ALK: variants seen among roughly 807,000 people sequenced by gnomAD.
The protein encoded by ALK is ALK receptor tyrosine kinase.
A neutral mutation model predicts 163.1 loss-of-function variants in ALK; 74 were observed. That is an observed-to-expected ratio of 0.45 (90% confidence interval 0.38 to 0.55). The LOEUF (loss-of-function observed/expected upper bound fraction) is 0.55. Ranked by LOEUF, ALK falls within the 20% of genes least tolerant of loss-of-function variation. The pLI, the probability that ALK is intolerant of heterozygous loss-of-function variation, is 0.00. For synonymous variants in ALK, 960 were observed against 843.2 expected, an observed-to-expected ratio of 1.14 and a Z score of -2.40; for missense variants, 2,063 against 2,105.3, an observed-to-expected ratio of 0.98 and a Z score of 0.39.
chr2:29,395,171 A>G (rs753478580), intron 4 of ALK, among the ~76,000 whole-genome samples: 15 of 152,228 alleles, frequency 9.9e-5, no homozygotes, highest in Non-Finnish European at 1.9e-4. Flanking sequence ...TGATTGGTTC[A>G]AATGCGAATG....
intron 4 of ALK, among the ~76,000 whole-genome samples, chr2:29,459,070 T>A (rs781757794): frequency 3.3e-5 from 5 of 152,148 alleles, no homozygotes; most frequent in Non-Finnish European, 5.9e-5. Flanking sequence ...GAATTTATAT[T>A]TTAAATTAAC....
rs116178834 is a variant in ALK, at chr2:29,636,218, A to G, written c.952+58632T>C. ...TGAGAACACAGAAACAGACACATAC[A>G]AATATGCCCATATTCTTGATAAAGG... On this transcript the variant is annotated intron_variant, in intron 3 of 28. Coordinates refer to ENST00000389048, the MANE Select transcript of ALK (RefSeq NM_004304.5). 4.0e-3 allele frequency among the ~76,000 whole-genome samples: 604 copies of G among 152,304 alleles called. 2 individuals are homozygous for G. The highest frequency in any genetic ancestry group is 0.013 in the African/African-American group (543 of 41,568).
In ALK at chr2:29,193,837, T is replaced by TC; in HGVS notation, c.4249dup (p.Asp1417GlyfsTer3). The stretch of plus-strand genomic sequence containing the variant: ...CAGGAGAGGAGGAACCCCCTCAGGG[T>TC]CCTTGGGCCTCACAGGCACTTTCTC... On this transcript the variant is annotated frameshift_variant, in exon 29 of 29. Transcript: ENST00000389048. LOFTEE classifies it low-confidence loss of function (END_TRUNC). 1 of 1,612,122 alleles carries TC rather than the reference T, an allele frequency of 6.2e-7. No homozygotes were observed. The highest frequency in any genetic ancestry group is 8.5e-7 in the Non-Finnish European group (1 of 1,179,196).
chr2:29,287,497 A>T (rs1422570632), intron 9 of ALK, among the ~76,000 whole-genome samples: 10 of 152,188 alleles, frequency 6.6e-5, no homozygotes, highest in African/African-American at 2.2e-4. Context: ...CAGAAGCCAC[A>T]GTATGATATT....
At chr2:29,330,486 G>C (rs926579466) in intron 5 of ALK, among the ~76,000 whole-genome samples, 3 of 152,166 alleles carry the variant, frequency 2.0e-5, no homozygotes, top group African/African-American at 7.2e-5. Flanking sequence ...GTGTGAGCTT[G>C]GCGTTCACCC....
intron 4 of ALK, among the ~76,000 whole-genome samples, chr2:29,512,835 G>A (rs909318780): frequency 6.6e-6 from 1 of 150,864 alleles, no homozygotes; most frequent in Non-Finnish European, 1.5e-5. Context: ...AAAATCACAA[G>A]CATTCTTACA....
rs1268713856 is a variant in ALK at position 29,638,275 on chromosome 2, C to T, written c.952+56575G>A. On this transcript the variant is annotated intron_variant, in intron 3 of 28. Transcript: ENST00000389048. ...ACACCAAGTTATTGTGAAGTCTGTGCCTAGGGGCACAGAACATGACTGTAC... is the reference window on the plus strand; with the variant it reads ...ACACCAAGTTATTGTGAAGTCTGTGTCTAGGGGCACAGAACATGACTGTAC... Among the ~76,000 whole-genome samples the T allele has an allele frequency of 2.0e-5, 3 of 152,308 alleles. No individual in the cohort carries two copies. The East Asian group carries it at 5.8e-4, about 29-fold the overall frequency.
chr2:29,762,668 C>A (rs761104397), intron 1 of ALK, among the ~76,000 whole-genome samples: 1 of 152,118 alleles, frequency 6.6e-6, no homozygotes, highest in Non-Finnish European at 1.5e-5. Context: ...AACTACAGAA[C>A]AGAAGAGGAA....
chr2:29,920,281 G>T lies in ALK; in HGVS notation c.379C>A (p.Leu127Met). The change falls in exon 1 of 29, where the codon CTG becomes ATG. Residue 127 changes from leucine to methionine, a missense_variant. Coordinates refer to ENST00000389048, the MANE Select transcript of ALK (RefSeq NM_004304.5). Reference protein sequence around the residue: ...PAEARTLSRVLKGGSVRKLRR... With the variant: ...PAEARTLSRVMKGGSVRKLRR... ...AGCTTGCGCACGGAGCCGCCCTTCA[G>T]CACCCTGGACAGCGTCCGGGCCTCT... is the stretch of plus-strand genomic sequence containing the variant. The T allele has an allele frequency of 6.3e-7, 1 of 1,586,106 alleles. No individual in the cohort carries two copies. The highest frequency in any genetic ancestry group is 8.6e-7 in the Non-Finnish European group (1 of 1,167,238).
At chr2:29,722,378 T>A (rs1679446635) in intron 1 of ALK, among the ~76,000 whole-genome samples, 1 of 152,192 alleles carries the variant, frequency 6.6e-6, no homozygotes, top group African/African-American at 2.4e-5. Context: ...CACACAAACC[T>A]ATGCATTCAT....
chr2:29,608,977 G>A (rs765784616), intron 3 of ALK, among the ~76,000 whole-genome samples: 6 of 152,152 alleles, frequency 3.9e-5, no homozygotes, highest in Non-Finnish European at 7.3e-5. Context: ...CAGGCTGGGT[G>A]CAGTGGCATG....
chr2:29,206,531 C>T (rs1310030789), intron 26 of ALK, among the ~76,000 whole-genome samples: 1 of 152,108 alleles, frequency 6.6e-6, no homozygotes, highest in African/African-American at 2.4e-5. Context: ...TTCAGCCTCC[C>T]AAAGTATTGG....
rs2148178515 is a variant in ALK, at chr2:29,227,001, G to A, written c.2988C>T (p.His996=). 6.2e-7 allele frequency: 1 copy of A among 1,614,190 alleles called. No individual in the cohort carries two copies. Among genetic ancestry groups the A allele is most frequent in the Non-Finnish European group, 8.5e-7 (1 of 1,180,048 alleles). ...TGACCTTGTGGCTTTCAGGGTCCAT[G>A]TGACATTCGTCTACCTCACAGTGAC... ...NCSHCEVDEC[H]MDPESHKVIC... is the part of the protein sequence containing the mutation. Residue 996 remains histidine, a synonymous_variant, in exon 18 of 29, where the codon CAC becomes CAT. Coordinates refer to ENST00000389048, the MANE Select transcript of ALK (RefSeq NM_004304.5). This position sits in a 1 kb window ranked among gnomAD's most constrained non-coding sequence, Gnocchi z 4.4.
At chr2:29,325,754 T>C (rs1667237335) in intron 6 of ALK, among the ~76,000 whole-genome samples, 1 of 152,212 alleles carries the variant, frequency 6.6e-6, no homozygotes, top group Non-Finnish European at 1.5e-5. Flanking sequence ...CTTCCTTGTC[T>C]CTAACAAAGA....
chr2:29,763,782 T>A (rs1680781663), intron 1 of ALK, among the ~76,000 whole-genome samples: 2 of 151,964 alleles, frequency 1.3e-5, no homozygotes, highest in Admixed American at 1.3e-4. Context: ...TTAACTCATG[T>A]CCCCTAACCC....
intron 5 of ALK, among the ~76,000 whole-genome samples, chr2:29,341,216 C>T (rs1311879076): frequency 2.0e-5 from 3 of 152,196 alleles, no homozygotes; most frequent in African/African-American, 4.8e-5. Flanking sequence ...CATTTGTTCA[C>T]ATAAAAAGCA....
chr2:29,496,467 T>C (rs1004754928), intron 4 of ALK, among the ~76,000 whole-genome samples: 2 of 152,182 alleles, frequency 1.3e-5, no homozygotes, highest in Non-Finnish European at 2.9e-5. Flanking sequence ...ATCACTGCTA[T>C]AGATCTTTAT....
intron 23 of ALK, among the ~76,000 whole-genome samples, chr2:29,214,609 A>T (rs913635230): frequency 1.3e-5 from 2 of 152,224 alleles, no homozygotes; most frequent in Admixed American, 6.5e-5. Flanking sequence ...CTTTTGGGAA[A>T]TGCTGGGCAA....
rs6759002 is a variant in ALK, at chr2:29,401,032, G to T, written c.1155-17173C>A. On this transcript the variant is annotated intron_variant, in intron 4 of 28. Coordinates refer to ENST00000389048, the MANE Select transcript of ALK (RefSeq NM_004304.5). ...CAATTAAACCTTCTTTCAGCACTTA[G>T]TGGCTCTGGTTACAGAGTTATGCAT... Among the ~76,000 whole-genome samples, 1,117 of 151,718 alleles carry T rather than the reference G, an allele frequency of 7.4e-3. 14 individuals carry two copies. Among genetic ancestry groups the T allele is most frequent in the African/African-American group, 0.025 (1,044 of 41,372 alleles).
Sources: gnomAD v4.1 joint callset for allele counts (sites outside exome capture counted in the v4.1 genomes callset) on GRCh38, gnomAD v4.1.1 for gene constraint, Gnocchi (gnomAD v3.1) non-coding constraint, MANE v1.5 for transcripts, NCBI Gene and HGNC (gene_info 2026-07-23, HGNC 2026-07-21) for gene names.